Variants in SLC10A6 observed in about 807,000 individuals in gnomAD.
SLC10A6 encodes solute carrier family 10 member 6.
In SLC10A6, 27 loss-of-function variants were observed where a neutral mutation model predicts 30.0. The observed-to-expected ratio is 0.90, with a 90% CI of 0.66 to 1.24. The LOEUF (loss-of-function observed/expected upper bound fraction) is 1.24. Among genes scored for constraint, SLC10A6 ranks in the 50% most tolerant of loss-of-function variants. SLC10A6 has a pLI of 0.00. For synonymous variants in SLC10A6, 166 were observed against 173.8 expected (o/e 0.95, Z 0.36); for missense variants, 439 against 457.0 (o/e 0.96, Z 0.36).
In SLC10A6 at chr4:86,833,399, C is replaced by T. The variant is rs763476428; in HGVS notation, c.403G>A (p.Val135Met). ...LSISMTTCST[V>M]AALGMMPLCI... Reference sequence around the variant, plus strand: ...AGTGGCATCATTCCCAGGGCGGCCACGGTGGAACAGGTTGTCATACTGATG... The same window carrying T: ...AGTGGCATCATTCCCAGGGCGGCCATGGTGGAACAGGTTGTCATACTGATG... Residue 135 changes from valine (V) to methionine (M), a missense_variant, in exon 2 of 6, where the codon GTG becomes ATG. Val to Met is a conservative substitution (Grantham distance 21). Coordinates refer to ENST00000273905, the MANE Select transcript of SLC10A6 (RefSeq NM_197965.3). 26 of 1,613,770 alleles carry T rather than the reference C, an allele frequency of 1.6e-5. No homozygotes were observed. The highest frequency in any genetic ancestry group is 6.7e-5 in the East Asian group (3 of 44,878).
At chr4:86,836,753 G>GGCTTT (rs1553899118) in intron 1 of SLC10A6, among the ~76,000 whole-genome samples, 2 of 151,858 alleles carry the variant, frequency 1.3e-5, no homozygotes, top group Admixed American at 1.3e-4. Context: ...GATTTTTTGG[G>GGCTTT]GTTTTGTTTT....
chr4:86,837,916 C>T (rs13141097), intron 1 of SLC10A6, among the ~76,000 whole-genome samples: 52,423 of 152,062 alleles, frequency 0.34, 10,728 homozygotes, highest in African/African-American at 0.57. Flanking sequence ...GCCCTTCATA[C>T]GTCAAGGTCT....
intron 5 of SLC10A6, among the ~76,000 whole-genome samples, 191 bp from the exon 6 acceptor site, chr4:86,824,093 TG>T (rs1305458702): frequency 1.2e-4 from 19 of 152,364 alleles, no homozygotes; most frequent in Non-Finnish European, 2.5e-4. Context: ...ATGGCTCTTT[TG>T]TCTGGATGAA....
chr4:86,848,761 C>G lies in SLC10A6; in HGVS notation c.355G>C (p.Val119Leu), dbSNP rs1440381001. 6.3e-7 allele frequency: 1 copy of G among 1,599,604 alleles called. No homozygotes were observed. The highest frequency in any genetic ancestry group is 1.7e-5 in the Admixed American group (1 of 58,730). The change falls in exon 1 of 6, where the codon GTT (valine) becomes CTT (leucine). Residue 119 changes from valine to leucine, a missense_variant. By Grantham distance (32) the Val-to-Leu change is conservative. Coordinates refer to ENST00000273905, the MANE Select transcript of SLC10A6 (RefSeq NM_197965.3). ...TACCTGAGATCCATATCTCCATCAA[C>G]CCAGAAGGTGAAAATGTTAGAGATG... Reference protein sequence around the residue: ...GTISNIFTFWVDGDMDLSISM... With the variant: ...GTISNIFTFWLDGDMDLSISM...
chr4:86,829,993 A>T (rs558886519), intron 3 of SLC10A6, among the ~76,000 whole-genome samples: 18 of 152,368 alleles, frequency 1.2e-4, no homozygotes, highest in African/African-American at 4.1e-4. Flanking sequence ...TCAAAGATAG[A>T]GTACTTGAAA....
chr4:86,841,430 A>C (rs77865115), intron 1 of SLC10A6, among the ~76,000 whole-genome samples: 4,406 of 152,304 alleles, frequency 0.029, 208 homozygotes, highest in African/African-American at 0.1. Context: ...ATTTTTAGCC[A>C]TGAAATTCCA....
At chr4:86,833,591 T>C (rs1242258642) in intron 1 of SLC10A6, among the ~76,000 whole-genome samples, 167 bp from the exon 2 acceptor site, 1 of 152,204 alleles carries the variant, frequency 6.6e-6, no homozygotes, top group African/African-American at 2.4e-5. Context: ...ATATTTCTGG[T>C]CTACAAAGAG....
In SLC10A6 at chr4:86,847,671, C is replaced by A. The variant is rs79253791; in HGVS notation, c.377+1068G>T. 2.7e-4 allele frequency among the ~76,000 whole-genome samples: 41 copies of A among 152,166 alleles called. 1 individual carries two copies. The East Asian group carries it at 7.5e-3, about 28-fold the overall frequency. On this transcript the variant is annotated intron_variant, in intron 1 of 5. Coordinates refer to ENST00000273905, the MANE Select transcript of SLC10A6 (RefSeq NM_197965.3). ...ATTTATAGGTGAAATATGTTCCATA[C>A]GCTAAACATTCAGCACAAGCGGAAA...
chr4:86,841,441 A>G (rs921893612), intron 1 of SLC10A6, among the ~76,000 whole-genome samples: 18 of 152,194 alleles, frequency 1.2e-4, no homozygotes, highest in African/African-American at 3.4e-4. Flanking sequence ...TGAAATTCCA[A>G]TGTAGCATAA....
chr4:86,832,597 A>C (rs1746099254), intron 2 of SLC10A6, among the ~76,000 whole-genome samples: 1 of 152,214 alleles, frequency 6.6e-6, no homozygotes, highest in Admixed American at 6.5e-5. Flanking sequence ...TCTCAAAAAA[A>C]AAAAACAAAA....
intron 1 of SLC10A6, among the ~76,000 whole-genome samples, chr4:86,836,739 T>G (rs1185417013): frequency 1.3e-5 from 2 of 152,124 alleles, no homozygotes; most frequent in African/African-American, 4.8e-5. Context: ...TGTAATTTGT[T>G]GCAGATTTTT....
intron 1 of SLC10A6, among the ~76,000 whole-genome samples, chr4:86,835,763 A>G (rs377740780): frequency 3.4e-4 from 50 of 145,624 alleles, no homozygotes; most frequent in Admixed American, 1.4e-3. Flanking sequence ...GAGAGAGAGA[A>G]AGAAAAGAAA....
intron 3 of SLC10A6, among the ~76,000 whole-genome samples, chr4:86,829,220 G>C (rs1746041947): frequency 1.3e-5 from 2 of 152,118 alleles, no homozygotes; most frequent in Non-Finnish European, 2.9e-5. Context: ...AGACCATCCA[G>C]CCAACATGGC....
intron 1 of SLC10A6, among the ~76,000 whole-genome samples, chr4:86,836,298 G>T (rs1206553808): frequency 1.3e-5 from 2 of 152,184 alleles, no homozygotes; most frequent in African/African-American, 2.4e-5. Flanking sequence ...AAGAGTACTT[G>T]GTTTGAAGTC....
chr4:86,839,242 C>T (rs894094870), intron 1 of SLC10A6, among the ~76,000 whole-genome samples: 1 of 148,174 alleles, frequency 6.7e-6, no homozygotes, highest in Admixed American at 6.7e-5. Context: ...TTAACAACAG[C>T]CTGAGCAACA....
At chr4:86,825,625 T>G (rs1745968427) in intron 4 of SLC10A6, 48 bp from the exon 5 acceptor site, 2 of 1,514,388 alleles carry the variant, frequency 1.3e-6, no homozygotes. Flanking sequence ...CAATAAGAAC[T>G]ATTCTAATAT....
intron 2 of SLC10A6, 41 bp from the exon 3 acceptor site, chr4:86,831,921 C>T (rs756631763): frequency 1.4e-6 from 2 of 1,474,258 alleles, no homozygotes; most frequent in East Asian, 4.7e-5. Flanking sequence ...TTCCCTCTCA[C>T]CCTGACTGCA....
Position 86,837,285 on chromosome 4 carries a change from A to AAGAAAGAAAGAG in SLC10A6, c.378-3862_378-3861insCTCTTTCTTTCT, listed in dbSNP as rs1173471408. Among the ~76,000 whole-genome samples, 5 of 74,280 alleles carry AAGAAAGAAAGAG rather than the reference A, an allele frequency of 6.7e-5. No homozygotes were observed. In the South Asian group the frequency reaches 2.2e-3, roughly 33 times the overall value. 48.7% of individuals were successfully genotyped at this position (74,280 alleles called of 152,430 possible). On this transcript the variant is annotated intron_variant, in intron 1 of 5. Transcript: ENST00000273905. ...AAAGAAAGAAAGAAAGAAAGAAAGA[A>AAGAAAGAAAGAG]AAAGAAAGGAAGGAAGGAAGGAAGG...
At chr4:86,824,385 C>A (rs1158563988) in intron 5 of SLC10A6, among the ~76,000 whole-genome samples, 1 of 152,016 alleles carries the variant, frequency 6.6e-6, no homozygotes, top group Admixed American at 6.6e-5. Context: ...GGAAATTAAG[C>A]CCCAGGTATT....
Sources: gnomAD v4.1 joint callset for allele counts (sites outside exome capture counted in the v4.1 genomes callset) on GRCh38, gnomAD v4.1.1 for gene constraint, MANE v1.5 for transcripts, NCBI Gene and HGNC (gene_info 2026-07-23, HGNC 2026-07-21) for gene names.